DNAJC1: variants seen among roughly 807,000 people sequenced by gnomAD.
DNAJC1 encodes dnaJ homolog subfamily C member 1.
DNAJC1 carries 58 observed loss-of-function variants against 76.6 expected under a neutral mutation model. The ratio of observed to expected loss-of-function variants is 0.76; its 90% CI spans 0.61 to 0.94. DNAJC1 has a LOEUF of 0.94. Among genes scored for constraint, DNAJC1 ranks in the 40% least tolerant of loss-of-function variants. The pLI, the probability that DNAJC1 is intolerant of heterozygous loss-of-function variation, is 0.00. For synonymous variants in DNAJC1, 258 were observed against 267.9 expected (o/e 0.96, Z 0.36); for missense variants, 689 against 677.3 (o/e 1.02, Z -0.19).
intron 1 of DNAJC1, among the ~76,000 whole-genome samples, chr10:21,992,086 G>A (rs1250802853): frequency 6.6e-6 from 1 of 152,196 alleles, no homozygotes; most frequent in Non-Finnish European, 1.5e-5. Context: ...CAAGGTTGGC[G>A]GATCGCCTGA....
chr10:21,950,620 A>T (rs575019146), intron 1 of DNAJC1, among the ~76,000 whole-genome samples: 2 of 152,234 alleles, frequency 1.3e-5, no homozygotes, highest in Non-Finnish European at 2.9e-5. Flanking sequence ...GTTGAAAGCC[A>T]GGACAGGCCA....
chr10:21,908,051 AAT>A (rs1161927292), intron 6 of DNAJC1, among the ~76,000 whole-genome samples: 5 of 118,790 alleles, frequency 4.2e-5, no homozygotes, highest in East Asian at 2.1e-4. Context: ...ATAATATATA[AAT>A]ATATATAATA....
intron 9 of DNAJC1, among the ~76,000 whole-genome samples, chr10:21,783,457 G>A (rs1459352655): frequency 6.6e-6 from 1 of 152,118 alleles, no homozygotes; most frequent in Non-Finnish European, 1.5e-5. Context: ...AATCAATATC[G>A]TGACAATGGC....
At chr10:21,760,099 A>T (rs1834223793) in intron 10 of DNAJC1, among the ~76,000 whole-genome samples, 1 of 152,198 alleles carries the variant, frequency 6.6e-6, no homozygotes, top group Non-Finnish European at 1.5e-5. Context: ...AAGAATTTTT[A>T]AACATGGAAA....
chr10:21,968,907 C>T (rs1247714488), intron 1 of DNAJC1, among the ~76,000 whole-genome samples: 2 of 152,032 alleles, frequency 1.3e-5, no homozygotes, highest in Non-Finnish European at 2.9e-5. Context: ...TGCACAAAAC[C>T]TGTAGTATTT....
intron 8 of DNAJC1, among the ~76,000 whole-genome samples, chr10:21,873,086 C>T (rs1213823242): frequency 2.0e-5 from 3 of 152,108 alleles, no homozygotes; most frequent in Admixed American, 6.5e-5. Flanking sequence ...AACCGGTGCA[C>T]GCATCCCCCA....
At position 21,800,050 on chromosome 10, in the gene DNAJC1, T is replaced by C. The variant is rs1220399796; in HGVS notation, c.1098+5930A>G. Among the ~76,000 whole-genome samples the C allele has an allele frequency of 2.6e-5, 4 of 152,240 alleles. No homozygotes were observed. In the East Asian group the frequency reaches 7.7e-4, roughly 29 times the overall value. On this transcript the variant is annotated intron_variant, in intron 9 of 11. Transcript: ENST00000376980. ...GACCTTTTCCATGTCTCCTCCTTGA[T>C]TTTGAGAGACTCTTACAAAGTTGTT...
chr10:21,935,729 A>G (rs1273616579), intron 1 of DNAJC1, among the ~76,000 whole-genome samples: 2 of 152,142 alleles, frequency 1.3e-5, no homozygotes, highest in African/African-American at 4.8e-5. Flanking sequence ...CAGCAAAAGA[A>G]GCAACTTATC....
At chr10:21,888,970 T>A (rs894486647) in intron 7 of DNAJC1, among the ~76,000 whole-genome samples, 1 of 152,192 alleles carries the variant, frequency 6.6e-6, no homozygotes, top group Non-Finnish European at 1.5e-5. Flanking sequence ...GTTTAAAAAA[T>A]ACATAAATAA....
Position 21,813,026 on chromosome 10 carries a change from T to TACAC in DNAJC1, c.979-6931_979-6928dup, listed in dbSNP as rs149245778. On this transcript the variant is annotated intron_variant, in intron 8 of 11. Coordinates refer to ENST00000376980, the MANE Select transcript of DNAJC1 (RefSeq NM_022365.4). ...ATGATAAAAGACATATACACACACA[T>TACAC]ACACACACACACACACACACACACA... Among the ~76,000 whole-genome samples, 1,086 of 132,446 alleles carry TACAC rather than the reference T, an allele frequency of 8.2e-3. 8 individuals carry two copies. The highest frequency in any genetic ancestry group is 0.02 in the African/African-American group (698 of 34,272). 86.9% of individuals were successfully genotyped at this position (132,446 alleles called of 152,430 possible).
intron 8 of DNAJC1, among the ~76,000 whole-genome samples, chr10:21,873,908 T>C (rs112383003): frequency 8.1e-4 from 124 of 152,306 alleles, no homozygotes; most frequent in African/African-American, 2.7e-3. Context: ...TTTTGTACTT[T>C]TTAAAATTTG....
At chr10:21,989,746 G>T (rs1208737158) in intron 1 of DNAJC1, among the ~76,000 whole-genome samples, 1 of 152,134 alleles carries the variant, frequency 6.6e-6, no homozygotes, top group Non-Finnish European at 1.5e-5. Context: ...TTGGTATCTG[G>T]ATCTGCAATG....
At chr10:21,999,689 G>A (rs959061949) in intron 1 of DNAJC1, among the ~76,000 whole-genome samples, 15 of 151,776 alleles carry the variant, frequency 9.9e-5, no homozygotes, top group Admixed American at 7.2e-4. Flanking sequence ...TCCTGACCTC[G>A]TGATCCACCC....
chr10:21,824,557 T>A (rs1186764094), intron 8 of DNAJC1, among the ~76,000 whole-genome samples: 2 of 152,166 alleles, frequency 1.3e-5, no homozygotes, highest in Non-Finnish European at 2.9e-5. Context: ...GTCAGCCCTG[T>A]GTTACTGAAC....
chr10:21,933,298 T>C (rs1187559992), intron 1 of DNAJC1: 5 of 152,564 alleles, frequency 3.3e-5, no homozygotes, highest in African/African-American at 4.8e-5. Flanking sequence ...AGGACAACCA[T>C]CCCTGATAGA....
At chr10:21,762,970 C>A (rs994158340) in intron 10 of DNAJC1, among the ~76,000 whole-genome samples, 1 of 152,196 alleles carries the variant, frequency 6.6e-6, no homozygotes, top group African/African-American at 2.4e-5. Context: ...CGCTCTGTTG[C>A]CCAGGCTGGA....
At position 21,829,553 on chromosome 10, in the gene DNAJC1, T is replaced by C. The variant is rs535436293; in HGVS notation, c.979-23454A>G. On this transcript the variant is annotated intron_variant, in intron 8 of 11. Transcript: ENST00000376980. ...TTTTACTAGAGACGGGATTAAACCA[T>C]GTTGGCCAGGCTGGTCTTGAACTCC... 3.3e-5 allele frequency among the ~76,000 whole-genome samples: 5 copies of C among 152,294 alleles called. No individual in the cohort carries two copies. The East Asian group carries it at 5.8e-4, about 18-fold the overall frequency.
chr10:22,003,565 G>T lies in DNAJC1; in HGVS notation c.-131C>A, dbSNP rs1479830628. ...GCGGGCAGGCGCACCGGAGCGGCCC[G>T]CCAGGTGGCTGGCCCCAGACAGAGC... On this transcript the variant is annotated 5_prime_UTR_variant, in exon 1 of 12. Coordinates refer to ENST00000376980, the MANE Select transcript of DNAJC1 (RefSeq NM_022365.4). 1.8e-6 allele frequency: 2 copies of T among 1,135,720 alleles called. No individual in the cohort carries two copies. Among genetic ancestry groups the T allele is most frequent in the African/African-American group, 1.6e-5 (1 of 61,384 alleles). The allele number at this position is 1,135,720 out of a possible 1,614,324, so 70.4% of individuals were successfully genotyped here. A position where few individuals can be genotyped will look rare whatever the true frequency, so the allele number is the denominator to read the frequency against.
chr10:21,928,125 G>C (rs1029248411), intron 3 of DNAJC1, among the ~76,000 whole-genome samples: 1 of 152,070 alleles, frequency 6.6e-6, no homozygotes, highest in Non-Finnish European at 1.5e-5. Context: ...TTTAAGGAAT[G>C]GGGGGGAAAA....
Sources: allele counts gnomAD v4.1 joint callset (sites outside exome capture counted in the v4.1 genomes callset), GRCh38; gene constraint gnomAD v4.1.1; transcripts MANE v1.5; gene names NCBI Gene and HGNC (gene_info 2026-07-23, HGNC 2026-07-21).